Variants in GABRB2 observed in about 807,000 individuals in gnomAD.
The protein encoded by GABRB2 is gamma-aminobutyric acid receptor subunit beta-2.
A neutral mutation model predicts 54.7 loss-of-function variants in GABRB2; 16 were observed. The ratio of observed to expected loss-of-function variants is 0.29; its 90% CI spans 0.20 to 0.44. GABRB2 has a LOEUF of 0.44. GABRB2 is among the 20% of genes least tolerant of loss of function. The probability of loss-of-function intolerance (pLI) is 1.00; values close to 1 mark genes in which losing one functional copy is unlikely to be tolerated. For synonymous variants in GABRB2, 244 were observed against 233.8 expected, an observed-to-expected ratio of 1.04 and a Z score of -0.40; for missense variants, 355 against 644.0, an observed-to-expected ratio of 0.55 and a Z score of 4.86.
intron 5 of GABRB2, among the ~76,000 whole-genome samples, chr5:161,369,998 C>A (rs1755086215): frequency 6.6e-6 from 1 of 152,012 alleles, no homozygotes; most frequent in African/African-American, 2.4e-5. Flanking sequence ...AACTCATGAC[C>A]AGAATCTCTG....
At chr5:161,541,028 T>C (rs532674683) in intron 3 of GABRB2, among the ~76,000 whole-genome samples, 21 of 152,192 alleles carry the variant, frequency 1.4e-4, no homozygotes, top group African/African-American at 5.1e-4. Flanking sequence ...GTATTTTTTG[T>C]AGAGACAGGG....
intron 3 of GABRB2, among the ~76,000 whole-genome samples, chr5:161,535,345 A>G (rs1232267146): frequency 2.0e-5 from 3 of 152,214 alleles, no homozygotes; most frequent in Non-Finnish European, 2.9e-5. Flanking sequence ...TTAAAAAAAC[A>G]TATATTTTAA....
At chr5:161,536,314 G>A (rs188785900) in intron 3 of GABRB2, among the ~76,000 whole-genome samples, 2 of 152,198 alleles carry the variant, frequency 1.3e-5, no homozygotes, top group East Asian at 3.9e-4. Flanking sequence ...AAAGAGGAAG[G>A]AGAAAACAAC....
rs898591575 is a variant in GABRB2 at position 161,374,031 on chromosome 5, C to T, written c.541+36944G>A. On this transcript the variant is annotated intron_variant, in intron 5 of 9. Coordinates refer to ENST00000393959, the MANE Select transcript of GABRB2 (RefSeq NM_001371727.1). ...CGATCTCGGCTCACTGCAATCTCTG[C>T]CTCCTGGGTTAAAGCAATTGTCCTG... is the stretch of plus-strand genomic sequence containing the variant. Among the ~76,000 whole-genome samples, 3 of 152,114 alleles carry T rather than the reference C, an allele frequency of 2.0e-5. 1 individual carries two copies. Among genetic ancestry groups the T allele is most frequent in the Admixed American group, 2.0e-4 (3 of 15,264 alleles).
At chr5:161,325,819 G>A (rs1758344920) in intron 9 of GABRB2, among the ~76,000 whole-genome samples, 1 of 152,006 alleles carries the variant, frequency 6.6e-6, no homozygotes, top group Non-Finnish European at 1.5e-5. Context: ...AAACAACAAT[G>A]TCAATTATTG....
chr5:161,385,359 C>T (rs1191254401), intron 5 of GABRB2, among the ~76,000 whole-genome samples: 1 of 152,156 alleles, frequency 6.6e-6, no homozygotes, highest in East Asian at 1.9e-4. Context: ...TCTCCTTGTT[C>T]CTTTCTCATC....
intron 3 of GABRB2, among the ~76,000 whole-genome samples, chr5:161,490,194 T>G (rs1219739807): frequency 6.6e-6 from 1 of 151,780 alleles, no homozygotes; most frequent in Non-Finnish European, 1.5e-5. Flanking sequence ...ATTAATTATC[T>G]CGTTTTGTGT....
intron 3 of GABRB2, among the ~76,000 whole-genome samples, chr5:161,472,788 C>T (rs889150790): frequency 1.3e-5 from 2 of 151,866 alleles, no homozygotes; most frequent in Non-Finnish European, 2.9e-5. Context: ...ATATGTCCAA[C>T]AAACTAAAAC....
intron 9 of GABRB2, among the ~76,000 whole-genome samples, chr5:161,315,329 T>G (rs1757990637): frequency 6.6e-6 from 1 of 152,178 alleles, no homozygotes; most frequent in Admixed American, 6.6e-5. Context: ...ATGTCCAGGT[T>G]CACTGAATCA....
intron 5 of GABRB2, 40 bp from the exon 6 acceptor site, chr5:161,336,809 G>GAAAAA: frequency 8.1e-7 from 1 of 1,237,160 alleles, no homozygotes; most frequent in African/African-American, 2.2e-5. Context: ...CACAAATACA[G>GAAAAA]AAAACAAAAA....
chr5:161,324,563 C>T (rs1435438715), intron 9 of GABRB2, among the ~76,000 whole-genome samples: 2 of 152,080 alleles, frequency 1.3e-5, no homozygotes, highest in African/African-American at 4.8e-5. Context: ...TCTAATGTCA[C>T]ACAGCTTATA....
At chr5:161,453,184 A>T (rs1757843441) in intron 4 of GABRB2, among the ~76,000 whole-genome samples, 1 of 152,190 alleles carries the variant, frequency 6.6e-6, no homozygotes, top group South Asian at 2.1e-4. Flanking sequence ...TCTACAGCTA[A>T]GCTACTCCCA....
chr5:161,432,197 C>G (rs753398722), intron 4 of GABRB2, among the ~76,000 whole-genome samples: 18 of 152,186 alleles, frequency 1.2e-4, no homozygotes, highest in Non-Finnish European at 2.4e-4. Flanking sequence ...TGTAATATAA[C>G]AAGCCCCAGT....
chr5:161,440,501 A>T (rs560768042), intron 4 of GABRB2, among the ~76,000 whole-genome samples: 1 of 152,322 alleles, frequency 6.6e-6, no homozygotes, highest in South Asian at 2.1e-4. Flanking sequence ...AGGTTATTAT[A>T]TAATGATAAA....
At chr5:161,510,586 A>T (rs560258223) in intron 3 of GABRB2, among the ~76,000 whole-genome samples, 1 of 152,062 alleles carries the variant, frequency 6.6e-6, no homozygotes, top group African/African-American at 2.4e-5. Flanking sequence ...AATTTTAATT[A>T]TTGAAGCCTA....
chr5:161,539,938 C>A (rs61105423), intron 3 of GABRB2, among the ~76,000 whole-genome samples: 1 of 152,200 alleles, frequency 6.6e-6, no homozygotes, highest in African/African-American at 2.4e-5. Flanking sequence ...TGAGCCTTCA[C>A]GGAGTAGTAA....
chr5:161,423,155 G>A (rs1756899682), intron 4 of GABRB2, among the ~76,000 whole-genome samples: 1 of 151,994 alleles, frequency 6.6e-6, no homozygotes, highest in South Asian at 2.1e-4. Flanking sequence ...GTGTGTCTGA[G>A]GGGTGTTTCT....
intron 5 of GABRB2, among the ~76,000 whole-genome samples, chr5:161,379,164 A>G (rs1209939034): frequency 6.6e-6 from 1 of 152,192 alleles, no homozygotes; most frequent in Non-Finnish European, 1.5e-5. Context: ...TGAGGTCTTC[A>G]GGAGCTGGTG....
Position 161,453,515 on chromosome 5 carries a change from A to G in GABRB2, c.458+6109T>C, listed in dbSNP as rs114548192. Among the ~76,000 whole-genome samples, 403 of 152,268 alleles carry G rather than the reference A, an allele frequency of 2.6e-3. 4 individuals are homozygous for G. Among genetic ancestry groups the G allele is most frequent in the African/African-American group, 9.4e-3 (391 of 41,556 alleles). ...AGGACACAGTGAGAAGGTATCATCCATGAATCAGGAAACCTGCCCTCATCA... is the reference window on the plus strand; with the variant it reads ...AGGACACAGTGAGAAGGTATCATCCGTGAATCAGGAAACCTGCCCTCATCA... On this transcript the variant is annotated intron_variant, in intron 4 of 9. Transcript: ENST00000393959.
Sources: gnomAD v4.1 joint callset for allele counts (sites outside exome capture counted in the v4.1 genomes callset) on GRCh38, gnomAD v4.1.1 for gene constraint, MANE v1.5 for transcripts, NCBI Gene and HGNC (gene_info 2026-07-23, HGNC 2026-07-21) for gene names.